CHN2: variants seen among roughly 807,000 people sequenced by gnomAD.
The protein encoded by CHN2 is beta-chimaerin.
A neutral mutation model predicts 56.3 loss-of-function variants in CHN2; 35 were observed. The ratio of observed to expected loss-of-function variants is 0.62; its 90% CI spans 0.47 to 0.82. The LOEUF (loss-of-function observed/expected upper bound fraction) is 0.82. Ranked by LOEUF, CHN2 falls within the 40% of genes least tolerant of loss-of-function variation. The pLI is 0.00. For missense variants in CHN2, 491 were observed against 580.5 expected (o/e 0.85, Z 1.58); for synonymous variants, 210 against 212.8 (o/e 0.99, Z 0.12).
intron 2 of CHN2, among the ~76,000 whole-genome samples, chr7:29,184,171 AG>A (rs1798418954): frequency 6.6e-6 from 1 of 151,160 alleles, no homozygotes; most frequent in African/African-American, 2.4e-5. Flanking sequence ...ATAGATAGAT[AG>A]ATAGATAGAT....
intron 1 of CHN2, among the ~76,000 whole-genome samples, chr7:29,314,688 G>A (rs1003777684): frequency 6.6e-5 from 10 of 152,158 alleles, no homozygotes; most frequent in South Asian, 2.1e-4. Flanking sequence ...GGGAGGCAGA[G>A]CATTCAAGAT....
chr7:29,159,954 A>C (rs1042394668), intron 2 of CHN2, among the ~76,000 whole-genome samples: 1 of 152,170 alleles, frequency 6.6e-6, no homozygotes, highest in Non-Finnish European at 1.5e-5. Flanking sequence ...TTGTGTGCCC[A>C]TGGGTGCACG....
At chr7:29,234,044 G>A (rs1025761991) in intron 1 of CHN2, among the ~76,000 whole-genome samples, 3 of 150,246 alleles carry the variant, frequency 2.0e-5, no homozygotes, top group Admixed American at 6.6e-5. Context: ...CGTTTTAGCC[G>A]GGATGGTCTC....
At chr7:29,486,736 T>C (rs541183537) in intron 7 of CHN2, among the ~76,000 whole-genome samples, 1 of 152,170 alleles carries the variant, frequency 6.6e-6, no homozygotes, top group East Asian at 1.9e-4. Context: ...TGTAGCATGC[T>C]CCTTCTCAAC....
At chr7:29,271,430 G>A (rs953118227) in intron 1 of CHN2, among the ~76,000 whole-genome samples, 1 of 152,236 alleles carries the variant, frequency 6.6e-6, no homozygotes, top group South Asian at 2.1e-4. Context: ...ATTCAAAAAC[G>A]TTCCCAGTCC....
At chr7:29,356,026 A>G (rs1798294301) in intron 2 of CHN2, among the ~76,000 whole-genome samples, 1 of 151,796 alleles carries the variant, frequency 6.6e-6, no homozygotes. Context: ...CAGGCAATCC[A>G]CTAACCTCGG....
Position 29,481,658 on chromosome 7 carries a change from G to GTTTT in CHN2, c.654+1316_654+1319dup, listed in dbSNP as rs5883215. The stretch of plus-strand genomic sequence containing the variant: ...TAATTTGGAGCATTAAATGCCTCCC[G>GTTTT]TTTTTTTTTTTTTTTTTACTCTGTT... On this transcript the variant is annotated intron_variant, in intron 7 of 12. Transcript: ENST00000222792. Among the ~76,000 whole-genome samples, 52 of 130,832 alleles carry GTTTT rather than the reference G, an allele frequency of 4.0e-4. 1 individual carries two copies. In the South Asian group the frequency reaches 4.6e-3, roughly 12 times the overall value. 85.8% of individuals were successfully genotyped at this position (130,832 alleles called of 152,430 possible).
At chr7:29,420,378 T>C (rs1404261319) in intron 6 of CHN2, among the ~76,000 whole-genome samples, 1 of 152,204 alleles carries the variant, frequency 6.6e-6, no homozygotes, top group African/African-American at 2.4e-5. Context: ...CTCAAGTGTC[T>C]ATGGATGGAT....
At chr7:29,318,389 A>G (rs1458040166) in intron 1 of CHN2, among the ~76,000 whole-genome samples, 19 of 152,186 alleles carry the variant, frequency 1.2e-4, no homozygotes, top group Non-Finnish European at 5.9e-5. Flanking sequence ...CAAAGCCTAA[A>G]ATATTTTCTC....
At chr7:29,255,163 C>T (rs763842626) in intron 1 of CHN2, among the ~76,000 whole-genome samples, 1 of 152,190 alleles carries the variant, frequency 6.6e-6, no homozygotes, top group South Asian at 2.1e-4. Context: ...AAGTAATTTT[C>T]CCTGGACATG....
chr7:29,390,413 A>G (rs982323636), intron 3 of CHN2, among the ~76,000 whole-genome samples: 1 of 152,246 alleles, frequency 6.6e-6, no homozygotes, highest in Non-Finnish European at 1.5e-5. Flanking sequence ...TGGATTGACC[A>G]GCTGCAGCTG....
chr7:29,162,140 A>G (rs915202961), intron 2 of CHN2, among the ~76,000 whole-genome samples: 7 of 152,274 alleles, frequency 4.6e-5, no homozygotes, highest in African/African-American at 1.7e-4. Flanking sequence ...ACACACATTT[A>G]CTATACAACT....
intron 1 of CHN2, among the ~76,000 whole-genome samples, chr7:29,314,869 T>A (rs1340016453): frequency 1.3e-5 from 2 of 150,540 alleles, no homozygotes; most frequent in Non-Finnish European, 1.5e-5. Flanking sequence ...TATATTTGTT[T>A]TATATATATA....
At chr7:29,403,830 T>C (rs527677106) in intron 6 of CHN2, among the ~76,000 whole-genome samples, 2 of 152,232 alleles carry the variant, frequency 1.3e-5, no homozygotes, top group Non-Finnish European at 2.9e-5. Context: ...TGAAACGCAT[T>C]TCAGAACTTA....
At chr7:29,334,521 A>ACCCG (rs1441978361) in intron 1 of CHN2, 12 of 120,574 alleles carry the variant, frequency 1.0e-4, no homozygotes, top group African/African-American at 3.9e-4. Flanking sequence ...TTGGAAGCCC[A>ACCCG]AGGTGGGTGG....
rs1790978526 is a variant in CHN2, at chr7:29,509,203, C to T, written c.1130-98C>T. 3 of 797,894 alleles carry T rather than the reference C, an allele frequency of 3.8e-6. No individual in the cohort carries two copies. The South Asian group carries it at 4.6e-5, about 12-fold the overall frequency. The allele number at this position is 797,894 out of a possible 1,614,324, so 49.4% of individuals were successfully genotyped here. On this transcript the variant is annotated intron_variant, in intron 11 of 12. Coordinates refer to ENST00000222792, the MANE Select transcript of CHN2 (RefSeq NM_004067.4). ...TGGATTGCATGAATTTATTAGAATC[C>T]TTCCCCACTTCTGGCTAAAACAAAA... is the stretch of plus-strand genomic sequence containing the variant.
At chr7:29,382,091 C>T (rs554527129) in intron 3 of CHN2, among the ~76,000 whole-genome samples, 1 of 152,180 alleles carries the variant, frequency 6.6e-6, no homozygotes, top group Non-Finnish European at 1.5e-5. Flanking sequence ...TCATGAGGAT[C>T]GACAGGGTTG....
intron 2 of CHN2, among the ~76,000 whole-genome samples, chr7:29,157,764 T>G (rs1794612947): frequency 6.6e-6 from 1 of 152,186 alleles, no homozygotes; most frequent in African/African-American, 2.4e-5. Context: ...AACTCATTTT[T>G]CTGCCAGAAC....
At chr7:29,366,686 A>G (rs142152248) in intron 2 of CHN2, among the ~76,000 whole-genome samples, 83 of 152,330 alleles carry the variant, frequency 5.4e-4, no homozygotes, top group African/African-American at 1.8e-3. Context: ...AGATGACTAC[A>G]GTCATCTTTA....
Sources: gnomAD v4.1 joint callset for allele counts (sites outside exome capture counted in the v4.1 genomes callset) on GRCh38, gnomAD v4.1.1 for gene constraint, MANE v1.5 for transcripts, NCBI Gene and HGNC (gene_info 2026-07-23, HGNC 2026-07-21) for gene names.